Variants in DIS3L2 observed in about 807,000 individuals in gnomAD.
The protein encoded by DIS3L2 is DIS3 like 3'-5' exoribonuclease 2.
Under a neutral mutation model 97.5 loss-of-function variants are expected in DIS3L2, and 34 were observed. The observed-to-expected ratio is 0.35, with a 90% CI of 0.27 to 0.46. DIS3L2 has a LOEUF of 0.46. Among genes scored for constraint, DIS3L2 ranks in the 20% least tolerant of loss-of-function variants. The pLI is 1.00. For missense variants in DIS3L2, 1,038 were observed against 1,146.0 expected (o/e 0.91, Z 1.36); for synonymous variants, 435 against 445.2 (o/e 0.98, Z 0.29).
intron 5 of DIS3L2, among the ~76,000 whole-genome samples, chr2:232,084,811 A>AG (rs1696525192): frequency 2.0e-5 from 3 of 151,186 alleles, no homozygotes; most frequent in African/African-American, 7.3e-5. Context: ...AAAAAAAAAA[A>AG]GCATTGTTTA....
chr2:232,040,801 T>C (rs1395854548), intron 5 of DIS3L2, among the ~76,000 whole-genome samples: 1 of 152,160 alleles, frequency 6.6e-6, no homozygotes, highest in Non-Finnish European at 1.5e-5. Flanking sequence ...AGGGCACATA[T>C]AACTAAGGAG....
intron 1 of DIS3L2, among the ~76,000 whole-genome samples, chr2:231,995,203 C>T (rs1247289512): frequency 1.3e-5 from 2 of 152,134 alleles, no homozygotes; most frequent in African/African-American, 4.8e-5. Flanking sequence ...CGTGATGGCT[C>T]TTTCCTTATG....
At chr2:232,100,190 ATAT>A (rs1412876274) in intron 6 of DIS3L2, among the ~76,000 whole-genome samples, 15 of 101,454 alleles carry the variant, frequency 1.5e-4, no homozygotes, top group East Asian at 9.0e-4. Context: ...TGCCCTGCTA[ATAT>A]TTTTTTTTTT....
chr2:232,217,664 A>G (rs142428299), intron 10 of DIS3L2, among the ~76,000 whole-genome samples: 11 of 152,274 alleles, frequency 7.2e-5, no homozygotes, highest in African/African-American at 2.6e-4. Context: ...GAAACGCTTA[A>G]GTTTAGTGGT....
chr2:232,247,042 A>G lies in DIS3L2; in HGVS notation c.1318-2197A>G, dbSNP rs1039294341. Among the ~76,000 whole-genome samples, 7 of 152,352 alleles carry G rather than the reference A, an allele frequency of 4.6e-5. No individual in the cohort carries two copies. In the South Asian group the frequency reaches 1.4e-3, roughly 32 times the overall value. On this transcript the variant is annotated intron_variant, in intron 11 of 20. Coordinates refer to ENST00000325385, the MANE Select transcript of DIS3L2 (RefSeq NM_152383.5). ...AACACTAAATATGAAGTTAGGAATT[A>G]TAATGCATTGTCAGATGCTCAGCTT...
intron 5 of DIS3L2, among the ~76,000 whole-genome samples, chr2:232,036,135 C>T (rs2106246889): frequency 6.6e-6 from 1 of 152,268 alleles, no homozygotes; most frequent in African/African-American, 2.4e-5. Flanking sequence ...TTCCATTCTC[C>T]CTGTCACTTT....
At chr2:232,084,147 C>T (rs1311973556) in intron 5 of DIS3L2, among the ~76,000 whole-genome samples, 1 of 152,110 alleles carries the variant, frequency 6.6e-6, no homozygotes, top group Non-Finnish European at 1.5e-5. Context: ...TGTAACTTGT[C>T]AGTAAATTTT....
rs1695962821 is a variant in DIS3L2, at chr2:232,336,653, C to T, written c.*23C>T. 3 of 1,541,732 alleles carry T rather than the reference C, an allele frequency of 1.9e-6. No individual in the cohort carries two copies. The highest frequency in any genetic ancestry group is 2.6e-6 in the Non-Finnish European group (3 of 1,146,788). On this transcript the variant is annotated 3_prime_UTR_variant, in exon 21 of 21. Coordinates refer to ENST00000325385, the MANE Select transcript of DIS3L2 (RefSeq NM_152383.5). ...TGAGCTCCACCAGCCGCCTGCCCCG[C>T]CTGCCCCGCCTGCCTGTCCCGCCAC...
intron 12 of DIS3L2, among the ~76,000 whole-genome samples, chr2:232,256,591 A>G (rs1220948194): frequency 6.6e-6 from 1 of 152,144 alleles, no homozygotes; most frequent in East Asian, 1.9e-4. Context: ...TCCAACCTCA[A>G]CCTTGCTTTC....
intron 8 of DIS3L2, among the ~76,000 whole-genome samples, chr2:232,148,508 G>C (rs1453662386): frequency 6.6e-6 from 1 of 152,164 alleles, no homozygotes; most frequent in Non-Finnish European, 1.5e-5. Context: ...TAAGGAACTT[G>C]AGAAATGTTC....
At chr2:231,979,082 A>G (rs1693176535) in intron 1 of DIS3L2, among the ~76,000 whole-genome samples, 1 of 151,960 alleles carries the variant, frequency 6.6e-6, no homozygotes, top group Non-Finnish European at 1.5e-5. Context: ...TGATTTTTAA[A>G]ATTTGAGACT....
intron 1 of DIS3L2, among the ~76,000 whole-genome samples, chr2:231,978,223 G>A (rs576686070): frequency 6.6e-6 from 1 of 152,324 alleles, no homozygotes; most frequent in East Asian, 1.9e-4. Flanking sequence ...AATACCCAAT[G>A]TACACAACCA....
At chr2:232,338,599 CCAGGACCTGGGCTCAGGCCCAGG>C (rs1290048782), downstream of DIS3L2, among the ~76,000 whole-genome samples, 3 of 152,030 alleles carry the variant, frequency 2.0e-5, no homozygotes, top group East Asian at 1.9e-4. Context: ...TTGTGCCCAG[CCAGGACCTGGGCTCAGGCCCAGG>C]CAGCCGCCAC....
chr2:232,297,599 T>C (rs1440662096), intron 13 of DIS3L2, among the ~76,000 whole-genome samples: 1 of 151,992 alleles, frequency 6.6e-6, no homozygotes, highest in Non-Finnish European at 1.5e-5. Flanking sequence ...GTCAAAGCAG[T>C]GTATGCTTAT....
In DIS3L2 at chr2:232,293,525, C is replaced by A. The variant is rs1694652775; in HGVS notation, c.1660-6515C>A. Among the ~76,000 whole-genome samples, 2 of 152,136 alleles carry A rather than the reference C, an allele frequency of 1.3e-5. No homozygotes were observed. Among genetic ancestry groups the A allele is most frequent in the African/African-American group, 4.8e-5 (2 of 41,410 alleles). Reference sequence around the variant, plus strand: ...TGGAGCATGAGGAAGGGCACAGAGGCCTAAGAGAGCCTGGTCTGCTCTGAA... The same window carrying A: ...TGGAGCATGAGGAAGGGCACAGAGGACTAAGAGAGCCTGGTCTGCTCTGAA... On this transcript the variant is annotated intron_variant, in intron 13 of 20. Coordinates refer to ENST00000325385, the MANE Select transcript of DIS3L2 (RefSeq NM_152383.5). The surrounding 1 kb of genome is among the most constrained non-coding windows in gnomAD (Gnocchi z 4.6).
intron 6 of DIS3L2, among the ~76,000 whole-genome samples, chr2:232,099,862 C>T (rs751916200): frequency 2.0e-5 from 3 of 152,086 alleles, no homozygotes; most frequent in Non-Finnish European, 4.4e-5. Context: ...TCCTAATGCT[C>T]GTTATATTCT....
At chr2:231,988,688 T>C (rs1295061763) in intron 1 of DIS3L2, among the ~76,000 whole-genome samples, 2 of 152,202 alleles carry the variant, frequency 1.3e-5, no homozygotes, top group African/African-American at 4.8e-5. Flanking sequence ...TGCTTAGGGC[T>C]GAAAGTCTGT....
At chr2:232,059,934 C>T (rs895504858) in intron 5 of DIS3L2, among the ~76,000 whole-genome samples, 7 of 152,104 alleles carry the variant, frequency 4.6e-5, no homozygotes, top group Admixed American at 3.9e-4. Flanking sequence ...GTGTATAGTG[C>T]TGCAATGAAC....
At chr2:232,142,324 C>T (rs1690083334) in intron 8 of DIS3L2, among the ~76,000 whole-genome samples, 1 of 152,126 alleles carries the variant, frequency 6.6e-6, no homozygotes, top group Non-Finnish European at 1.5e-5. Flanking sequence ...CAAGGCAGAG[C>T]AAAAGTTAAA....
Sources: allele counts gnomAD v4.1 joint callset (sites outside exome capture counted in the v4.1 genomes callset), GRCh38; gene constraint gnomAD v4.1.1; non-coding constraint Gnocchi (gnomAD v3.1); transcripts MANE v1.5; gene names NCBI Gene and HGNC (gene_info 2026-07-23, HGNC 2026-07-21).